Variants in KCNIP4 observed in about 807,000 individuals in gnomAD.
KCNIP4 encodes Kv channel-interacting protein 4.
A neutral mutation model predicts 34.0 loss-of-function variants in KCNIP4; 12 were observed. The observed-to-expected ratio is 0.35, with a 90% CI of 0.23 to 0.57. KCNIP4 has a LOEUF of 0.57. KCNIP4 is among the 20% of genes least tolerant of loss of function. The probability of loss-of-function intolerance (pLI) is 0.83; values close to 1 mark genes in which losing one functional copy is unlikely to be tolerated. For synonymous variants in KCNIP4, 124 were observed against 102.2 expected, an observed-to-expected ratio of 1.21 and a Z score of -1.29; for missense variants, 238 against 311.7, an observed-to-expected ratio of 0.76 and a Z score of 1.78.
At chr4:21,879,194 C>A (rs1726316444) in intron 1 of KCNIP4, among the ~76,000 whole-genome samples, 1 of 152,060 alleles carries the variant, frequency 6.6e-6, no homozygotes, top group African/African-American at 2.4e-5. Flanking sequence ...AATTGCACAC[C>A]CTCAAGGAAC....
At chr4:20,911,347 C>G (rs1322066471) in intron 1 of KCNIP4, among the ~76,000 whole-genome samples, 2 of 152,108 alleles carry the variant, frequency 1.3e-5, no homozygotes, top group Non-Finnish European at 2.9e-5. Flanking sequence ...CCATAGTGTT[C>G]AGTTTTCATG....
chr4:21,800,439 G>A (rs532038468), intron 1 of KCNIP4, among the ~76,000 whole-genome samples: 1 of 152,030 alleles, frequency 6.6e-6, no homozygotes, highest in African/African-American at 2.4e-5. Flanking sequence ...TTATAAAAAT[G>A]AACCAAATCA....
At chr4:21,808,361 G>A (rs186456828) in intron 1 of KCNIP4, among the ~76,000 whole-genome samples, 3 of 152,090 alleles carry the variant, frequency 2.0e-5, no homozygotes, top group South Asian at 2.1e-4. Flanking sequence ...CAGCCTACTC[G>A]ACATGAAATC....
At chr4:21,354,248 C>A (rs1020624536) in intron 1 of KCNIP4, among the ~76,000 whole-genome samples, 23 of 152,062 alleles carry the variant, frequency 1.5e-4, no homozygotes, top group Non-Finnish European at 3.2e-4. Context: ...AATTAAGGGG[C>A]AAAATAACCA....
At position 20,730,048 on chromosome 4, in the gene KCNIP4, A is replaced by G. The variant is rs1578396291; in HGVS notation, c.*34T>C. On this transcript the variant is annotated 3_prime_UTR_variant, in exon 9 of 9. Transcript: ENST00000382152. ...CTTTAAGGGTGGTAGAATAGTTCAC[A>G]TTTGTCTGTTGGATTCAGGATCTAT... The G allele has an allele frequency of 1.3e-6, 2 of 1,597,034 alleles. No homozygotes were observed. Among genetic ancestry groups the G allele is most frequent in the Non-Finnish European group, 8.5e-7 (1 of 1,173,588 alleles).
intron 1 of KCNIP4, among the ~76,000 whole-genome samples, chr4:21,117,968 T>G (rs1344240494): frequency 1.3e-5 from 2 of 152,176 alleles, no homozygotes; most frequent in African/African-American, 4.8e-5. Context: ...ATTTGTTATG[T>G]GTTAGTCACT....
At chr4:21,231,696 CT>C (rs1391808460) in intron 1 of KCNIP4, among the ~76,000 whole-genome samples, 3 of 152,086 alleles carry the variant, frequency 2.0e-5, no homozygotes, top group African/African-American at 7.2e-5. Flanking sequence ...GATAAAAACT[CT>C]GTTTAGAAAT....
chr4:21,795,391 G>A (rs1384904397), intron 1 of KCNIP4, among the ~76,000 whole-genome samples: 5 of 152,276 alleles, frequency 3.3e-5, no homozygotes, highest in Admixed American at 1.3e-4. Context: ...GTGGTATTTT[G>A]TTATGGCAGC....
At chr4:21,484,014 T>C (rs1332958001) in intron 1 of KCNIP4, among the ~76,000 whole-genome samples, 2 of 152,098 alleles carry the variant, frequency 1.3e-5, no homozygotes, top group Non-Finnish European at 2.9e-5. Flanking sequence ...CCTTTTTTTT[T>C]TTTATAGATT....
chr4:20,977,966 T>C (rs928558203), intron 1 of KCNIP4, among the ~76,000 whole-genome samples: 1 of 152,224 alleles, frequency 6.6e-6, no homozygotes, highest in Non-Finnish European at 1.5e-5. Flanking sequence ...CGGAAATTTC[T>C]TGAAGGCAGT....
intron 1 of KCNIP4, among the ~76,000 whole-genome samples, chr4:21,789,643 T>A (rs545246682): frequency 6.6e-4 from 101 of 152,340 alleles, no homozygotes; most frequent in Middle Eastern, 3.4e-3. Context: ...TCTTTCCTAG[T>A]TAGCTCATCG....
intron 3 of KCNIP4, among the ~76,000 whole-genome samples, chr4:20,792,404 A>G (rs1160337698): frequency 6.6e-6 from 1 of 152,130 alleles, no homozygotes; most frequent in East Asian, 1.9e-4. Flanking sequence ...GCAAACAACA[A>G]CAACAAAAAC....
At chr4:21,412,815 C>T (rs925492938) in intron 1 of KCNIP4, among the ~76,000 whole-genome samples, 1 of 152,172 alleles carries the variant, frequency 6.6e-6, no homozygotes, top group Non-Finnish European at 1.5e-5. Context: ...CTACTTTTAA[C>T]ATGACTTTTC....
chr4:21,267,424 G>T (rs1004028086), intron 1 of KCNIP4, among the ~76,000 whole-genome samples: 5 of 151,416 alleles, frequency 3.3e-5, no homozygotes, highest in African/African-American at 1.2e-4. Flanking sequence ...CCTGTCTTGT[G>T]CCAGTTTTCA....
intron 1 of KCNIP4, among the ~76,000 whole-genome samples, chr4:21,072,695 G>C (rs190366310): frequency 6.6e-6 from 1 of 151,986 alleles, no homozygotes; most frequent in Admixed American, 6.6e-5. Flanking sequence ...ATTGCTTTTC[G>C]TGTTTTAAAC....
At chr4:21,291,385 T>C (rs544562900) in intron 1 of KCNIP4, among the ~76,000 whole-genome samples, 4 of 131,250 alleles carry the variant, frequency 3.0e-5, no homozygotes, top group Non-Finnish European at 6.8e-5. Context: ...TATGTGTAGA[T>C]GCACATACAA....
chr4:20,744,776 A>T (rs978316397), intron 5 of KCNIP4, among the ~76,000 whole-genome samples: 3 of 152,152 alleles, frequency 2.0e-5, no homozygotes, highest in Non-Finnish European at 4.4e-5. Flanking sequence ...ATAATAATAA[A>T]AATATAAAAT....
chr4:21,682,869 C>G (rs1213475955), intron 1 of KCNIP4, among the ~76,000 whole-genome samples: 2 of 151,980 alleles, frequency 1.3e-5, no homozygotes, highest in Admixed American at 1.3e-4. Flanking sequence ...TGGTGGCACT[C>G]CAAAACACTT....
At chr4:21,528,692 A>C in intron 1 of KCNIP4, among the ~76,000 whole-genome samples, 6 of 1,166 alleles carry the variant, frequency 5.1e-3, no homozygotes, top group African/African-American at 0.019. Flanking sequence ...AGAAAGAAAG[A>C]AAGAAAGAAA....
Sources: gnomAD v4.1 joint callset for allele counts (sites outside exome capture counted in the v4.1 genomes callset) on GRCh38, gnomAD v4.1.1 for gene constraint, MANE v1.5 for transcripts, NCBI Gene and HGNC (gene_info 2026-07-23, HGNC 2026-07-21) for gene names.